The following TBL1X variants were observed in gnomAD, a reference collection of about 807,000 sequenced individuals.
TBL1X encodes F-box-like/WD repeat-containing protein TBL1X.
TBL1X carries 10 observed loss-of-function variants against 50.7 expected under a neutral mutation model. The ratio of observed to expected loss-of-function variants is 0.20; its 90% CI spans 0.12 to 0.33. The LOEUF (loss-of-function observed/expected upper bound fraction) is 0.33. TBL1X is among the 10% of genes least tolerant of loss of function. The probability of loss-of-function intolerance (pLI) is 1.00; values close to 1 mark genes in which losing one functional copy is unlikely to be tolerated. For missense variants in TBL1X, 340 were observed against 504.4 expected (o/e 0.67, Z 3.12); for synonymous variants, 190 against 214.7 (o/e 0.88, Z 1.01).
At chrX:9,672,364 T>TA (rs764326209) in intron 5 of TBL1X, among the ~76,000 whole-genome samples, 1 of 112,020 alleles carries the variant, frequency 8.9e-6, no homozygotes, top group South Asian at 3.7e-4. Context: ...CCAGCATTGA[T>TA]ATGTTTTATG....
intron 6 of TBL1X, among the ~76,000 whole-genome samples, chrX:9,687,688 C>G (rs748284200): frequency 4.8e-5 from 5 of 103,899 alleles, no homozygotes; most frequent in African/African-American, 1.8e-4. Context: ...CCCGCCCCCG[C>G]CACGTTGAGA....
intron 2 of TBL1X, among the ~76,000 whole-genome samples, chrX:9,619,542 A>C (rs1484651224): frequency 8.9e-6 from 1 of 112,324 alleles, no homozygotes; most frequent in African/African-American, 3.2e-5. Context: ...ACCTGTCCTC[A>C]AGTAAAAACT....
At chrX:9,703,455 G>A (rs1440850542) in intron 12 of TBL1X, among the ~76,000 whole-genome samples, 6 of 111,641 alleles carry the variant, frequency 5.4e-5, no homozygotes, top group African/African-American at 9.8e-5. Flanking sequence ...TGTGGCCCCC[G>A]CAGTGGAAAG....
At chrX:9,694,995 T>TAAATAAAA (rs1349798868) in intron 11 of TBL1X, among the ~76,000 whole-genome samples, 31 of 111,149 alleles carry the variant, frequency 2.8e-4, no homozygotes, top group African/African-American at 9.8e-4. Flanking sequence ...AATAAATAAA[T>TAAATAAAA]AAAATGATAG....
intron 9 of TBL1X, among the ~76,000 whole-genome samples, chrX:9,692,735 A>G (rs2083106395): frequency 8.9e-6 from 1 of 112,771 alleles, no homozygotes; most frequent in South Asian, 3.6e-4. Context: ...GCTATTAACA[A>G]GGCTGCATTT....
intron 2 of TBL1X, among the ~76,000 whole-genome samples, chrX:9,580,134 C>A (rs141110414): frequency 0.014 from 1,555 of 112,173 alleles, 10 homozygotes; most frequent in Non-Finnish European, 0.022. Context: ...TGGTTTTATA[C>A]ATTTTAGGGA....
At chrX:9,503,222 C>T in intron 2 of TBL1X, among the ~76,000 whole-genome samples, 1 of 111,671 alleles carries the variant, frequency 9.0e-6, no homozygotes, top group Non-Finnish European at 1.9e-5. Flanking sequence ...AAGGGAACCC[C>T]CTCACTCCAG....
At chrX:9,699,563 G>A (rs1300650178) in intron 12 of TBL1X, among the ~76,000 whole-genome samples, 1 of 111,840 alleles carries the variant, frequency 8.9e-6, no homozygotes, top group Non-Finnish European at 1.9e-5. Flanking sequence ...TGTTCTGAAT[G>A]GGAGGGCTAA....
At chrX:9,680,636 C>A (rs2083019820) in intron 5 of TBL1X, among the ~76,000 whole-genome samples, 3 of 111,245 alleles carry the variant, frequency 2.7e-5, no homozygotes, top group Non-Finnish European at 5.7e-5. Flanking sequence ...ATCTTGCAAG[C>A]AAATGGACTG....
At chrX:9,514,264 G>A (rs1218843651) in intron 2 of TBL1X, among the ~76,000 whole-genome samples, 1 of 110,859 alleles carries the variant, frequency 9.0e-6, no homozygotes, top group Non-Finnish European at 1.9e-5. Context: ...CCAGTTACCT[G>A]GCAATAACAA....
intron 1 of TBL1X, among the ~76,000 whole-genome samples, chrX:9,479,965 T>TGTGTGTGTGTGTGTGTG (rs1313372994): frequency 2.0e-4 from 22 of 108,632 alleles, no homozygotes; most frequent in South Asian, 7.9e-4. Context: ...TGTGTGTGTG[T>TGTGTGTGTGTGTGTGTG]TTGAGATGGA....
In TBL1X at chrX:9,600,058, A is replaced by G. The variant is rs1297631613; in HGVS notation, c.-130-40215A>G. Among the ~76,000 whole-genome samples, 3 of 111,735 alleles carry G rather than the reference A, an allele frequency of 2.7e-5. No individual in the cohort carries two copies. In the East Asian group the frequency reaches 8.4e-4, roughly 31 times the overall value. On this transcript the variant is annotated intron_variant, in intron 2 of 17. Coordinates refer to ENST00000645353, the MANE Select transcript of TBL1X (RefSeq NM_005647.4). ...TGTTTGACACAGCTGTATCTCTTTC[A>G]GTTGGATCAGTAACACTCGCTCACT...
In TBL1X at chrX:9,682,285, T is replaced by C. The variant is rs1182712148; in HGVS notation, c.212-1758T>C. Among the ~76,000 whole-genome samples, 3 of 111,756 alleles carry C rather than the reference T, an allele frequency of 2.7e-5. No individual in the cohort carries two copies. The Admixed American group carries it at 2.8e-4, about 11-fold the overall frequency. On this transcript the variant is annotated intron_variant, in intron 5 of 17. Transcript: ENST00000645353. Reference sequence around the variant, plus strand: ...TTGTTGTAAACAGCCTTGGCTTATATCCTCCAAAAACACAGGGGCGGAGGA... The same window carrying C: ...TTGTTGTAAACAGCCTTGGCTTATACCCTCCAAAAACACAGGGGCGGAGGA...
chrX:9,619,737 G>A (rs907724027), intron 2 of TBL1X, among the ~76,000 whole-genome samples: 1 of 111,936 alleles, frequency 8.9e-6, no homozygotes, highest in Non-Finnish European at 1.9e-5. Context: ...AGATGGTGTA[G>A]GCAGCGATGG....
chrX:9,523,450 C>T (rs935178051), intron 2 of TBL1X, among the ~76,000 whole-genome samples: 1 of 111,620 alleles, frequency 9.0e-6, no homozygotes, highest in Non-Finnish European at 1.9e-5. Context: ...GCCAGGTCAC[C>T]CACACTGGAC....
chrX:9,670,820 G>C (rs2082956385), intron 5 of TBL1X, among the ~76,000 whole-genome samples: 1 of 112,436 alleles, frequency 8.9e-6, no homozygotes, highest in South Asian at 3.7e-4. Flanking sequence ...TTTGACTGCA[G>C]CGGCTCTTTT....
At chrX:9,701,639 T>A (rs1431867900) in intron 12 of TBL1X, among the ~76,000 whole-genome samples, 2 of 107,394 alleles carry the variant, frequency 1.9e-5, no homozygotes, top group Non-Finnish European at 3.8e-5. Flanking sequence ...TGAGAGAGTT[T>A]ACAGATTTGT....
chrX:9,665,489 C>CTATATATATATATATATACA (rs2082922642), intron 5 of TBL1X, among the ~76,000 whole-genome samples: 1 of 19,798 alleles, frequency 5.1e-5, no homozygotes, highest in African/African-American at 2.0e-4. Flanking sequence ...GATATTCAAG[C>CTATATATATATATATATACA]TATATATATA....
At chrX:9,636,122 T>C (rs2082745274) in intron 2 of TBL1X, among the ~76,000 whole-genome samples, 1 of 111,752 alleles carries the variant, frequency 8.9e-6, no homozygotes, top group African/African-American at 3.3e-5. Flanking sequence ...CAGAAAGCAT[T>C]CTGTGGTCAC....
Sources: gnomAD v4.1 joint callset for allele counts (sites outside exome capture counted in the v4.1 genomes callset) on GRCh38, gnomAD v4.1.1 for gene constraint, MANE v1.5 for transcripts, NCBI Gene and HGNC (gene_info 2026-07-23, HGNC 2026-07-21) for gene names.